Variants in CFAP92 observed in about 807,000 individuals in gnomAD.
CFAP92 encodes the protein cilia and flagella associated protein 92 (putative).
A neutral mutation model predicts 106.3 loss-of-function variants in CFAP92; 86 were observed. That is an observed-to-expected ratio of 0.81 (90% CI 0.68 to 0.97). The LOEUF is 0.97. CFAP92 is among the 50% of genes least tolerant of loss of function. CFAP92 has a pLI of 0.00. For synonymous variants in CFAP92, 477 were observed against 506.4 expected (o/e 0.94, Z 0.78); for missense variants, 1,204 against 1,283.8 (o/e 0.94, Z 0.95).
At chr3:128,918,346 G>A (rs1326246866) in intron 12 of CFAP92, among the ~76,000 whole-genome samples, 3 of 152,158 alleles carry the variant, frequency 2.0e-5, no homozygotes, top group African/African-American at 7.2e-5. Flanking sequence ...GGTGGCACAC[G>A]CCTGTAGTCC....
chr3:128,932,948 T>G lies in CFAP92; in HGVS notation c.2503A>C (p.Arg835=), dbSNP rs1938560974. 2.0e-6 allele frequency: 3 copies of G among 1,536,022 alleles called. No homozygotes were observed. The Admixed American group carries it at 5.9e-5, about 30-fold the overall frequency. Residue 835 remains arginine, a synonymous_variant, in exon 12 of 16, where the codon AGG becomes CGG. Transcript: ENST00000645291. ...NSTTLWDVTV[R]DLLPSSAMIK... Reference sequence around the variant, plus strand: ...ATAGCAGAGGAGGGCAGCAGGTCCCTCACCGTCACGTCCCAGAGGGTGGTG... The same window carrying G: ...ATAGCAGAGGAGGGCAGCAGGTCCCGCACCGTCACGTCCCAGAGGGTGGTG...
At chr3:128,976,225 T>G (rs2107790662) in intron 6 of CFAP92, among the ~76,000 whole-genome samples, 1 of 152,238 alleles carries the variant, frequency 6.6e-6, no homozygotes, top group Non-Finnish European at 1.5e-5. Context: ...TAATATATTT[T>G]AATAAAAATA....
intron 12 of CFAP92, among the ~76,000 whole-genome samples, chr3:128,920,705 T>G (rs888094189): frequency 2.0e-5 from 3 of 152,050 alleles, no homozygotes; most frequent in Non-Finnish European, 4.4e-5. Flanking sequence ...CAAGCTCTGT[T>G]CCAAAGGGTG....
At chr3:128,961,915 C>G (rs1210760900) in intron 9 of CFAP92, among the ~76,000 whole-genome samples, 1 of 152,202 alleles carries the variant, frequency 6.6e-6, no homozygotes, top group Admixed American at 6.5e-5. Context: ...CACACAAGAA[C>G]TTCCAAACGC....
rs142510461 is a variant in CFAP92, at chr3:128,929,015, C to T, written c.2751+3685G>A. 2.3e-3 allele frequency among the ~76,000 whole-genome samples: 351 copies of T among 152,216 alleles called. 1 individual carries two copies. The highest frequency in any genetic ancestry group is 7.9e-3 in the African/African-American group (329 of 41,550). ...ACTCATAACTGTAATCCCAGCACTT[C>T]GGGAAGCCAACGTGGGAGGACTGCC... On this transcript the variant is annotated intron_variant, in intron 12 of 15. Transcript: ENST00000645291.
At position 128,932,991 on chromosome 3, in the gene CFAP92, G is replaced by C. The variant is rs762304335; in HGVS notation, c.2460C>G (p.His820Gln). Residue 820 changes from histidine (H) to glutamine (Q), a missense_variant, in exon 12 of 16, where the codon CAC becomes CAG. His to Gln is a conservative substitution (Grantham distance 24). Coordinates refer to ENST00000645291, the MANE Select transcript of CFAP92 (RefSeq NM_001394090.1). The stretch of plus-strand genomic sequence containing the variant: ...GGGTGGTGCTGTTATAGCAGATGTC[G>C]TGGATCCTGGAACAAAGAACCACTG... ...RRVFQALARI[H>Q]DICYNSTTLW... The C allele has an allele frequency of 1.2e-5, 18 of 1,536,048 alleles. No homozygotes were observed. Among genetic ancestry groups the C allele is most frequent in the Non-Finnish European group, 1.6e-5 (18 of 1,146,884 alleles).
At chr3:129,010,614 G>A in the CFAP92 span, among the ~76,000 whole-genome samples, 1 of 151,734 alleles carries the variant, frequency 6.6e-6, no homozygotes, top group Non-Finnish European at 1.5e-5. The surrounding 1 kb of genome is among the most constrained non-coding windows in gnomAD (Gnocchi z 4.3). Context: ...CTGCCCCATT[G>A]CTGCTGCCTG....
At chr3:128,960,236 A>ACGGACG (rs1444478100) in intron 9 of CFAP92, among the ~76,000 whole-genome samples, 1 of 152,224 alleles carries the variant, frequency 6.6e-6, no homozygotes, top group Non-Finnish European at 1.5e-5. Flanking sequence ...GTCTCTTCAC[A>ACGGACG]CGGACGCGCA....
intron 4 of CFAP92, among the ~76,000 whole-genome samples, chr3:128,987,289 T>C (rs1247264836): frequency 1.3e-5 from 2 of 152,152 alleles, no homozygotes; most frequent in African/African-American, 4.8e-5. Flanking sequence ...TGTTCCTTGG[T>C]ATCCTCTAAG....
chr3:128,967,072 T>C (rs936046942), intron 8 of CFAP92: 3 of 152,220 alleles, frequency 2.0e-5, no homozygotes, highest in Non-Finnish European at 2.9e-5. Flanking sequence ...AAAATGGGGA[T>C]AGACACCACC....
chr3:128,986,193 G>C (rs140867838), intron 4 of CFAP92, among the ~76,000 whole-genome samples: 8 of 151,644 alleles, frequency 5.3e-5, no homozygotes, highest in African/African-American at 1.7e-4. Flanking sequence ...TGCTGACAAC[G>C]ATAATAGTAC....
intron 4 of CFAP92, among the ~76,000 whole-genome samples, chr3:128,981,956 T>A (rs939017203): frequency 6.6e-6 from 1 of 152,222 alleles, no homozygotes; most frequent in Non-Finnish European, 1.5e-5. Flanking sequence ...GCTTTGTTGT[T>A]CCATTTCTAG....
At position 128,994,069 on chromosome 3, in the gene CFAP92, C is replaced by G. The variant is rs1269624207; in HGVS notation, c.-122G>C. The G allele has an allele frequency of 1.0e-6, 1 of 985,998 alleles. No homozygotes were observed. Among genetic ancestry groups the G allele is most frequent in the Non-Finnish European group, 1.2e-6 (1 of 830,204 alleles). The allele number at this position is 985,998 out of a possible 1,614,324, so 61.1% of individuals were successfully genotyped here. A position where few individuals can be genotyped will look rare whatever the true frequency, so the allele number is the denominator to read the frequency against. On this transcript the variant is annotated 5_prime_UTR_variant, in exon 1 of 16. Transcript: ENST00000645291. ...CCACAGCCACCTGGGCGAAGAGACTCCAAGACTGAGAGGAGCGTCCGCCGG... is the reference window on the plus strand; with the variant it reads ...CCACAGCCACCTGGGCGAAGAGACTGCAAGACTGAGAGGAGCGTCCGCCGG...
intron 4 of CFAP92, among the ~76,000 whole-genome samples, chr3:128,981,946 G>C (rs958496662): frequency 6.6e-6 from 1 of 152,176 alleles, no homozygotes; most frequent in African/African-American, 2.4e-5. Flanking sequence ...TGTCATCCAG[G>C]CTTTGTTGTT....
intron 4 of CFAP92, among the ~76,000 whole-genome samples, chr3:128,980,366 CAAAAAAAA>C (rs71153158): frequency 9.9e-6 from 1 of 100,702 alleles, no homozygotes; most frequent in African/African-American, 3.7e-5. Flanking sequence ...GACCCTGTCT[CAAAAAAAA>C]AAAAAAAAAA....
At position 128,975,856 on chromosome 3, in the gene CFAP92, A is replaced by T. The variant is rs928631919; in HGVS notation, c.944T>A (p.Met315Lys). Residue 315 changes from methionine to lysine, a missense_variant, in exon 7 of 16, where the codon ATG becomes AAG. Physicochemically the swap from Met to Lys is moderately conservative, Grantham distance 95 (BLOSUM62 -1). Transcript: ENST00000645291. ...CTCAATTAATTCCTTGATCTCCATC[A>T]TGCTTGCTCCTGCCAAAGAAATGGT... The part of the protein sequence containing the change: ...TPTISLAGAS[M>K]MEIKELIESE... 1 of 1,610,578 alleles carries T rather than the reference A, an allele frequency of 6.2e-7. No homozygotes were observed. The highest frequency in any genetic ancestry group is 1.3e-5 in the African/African-American group (1 of 74,858).
At chr3:128,957,133 G>A (rs889853943) in intron 9 of CFAP92, among the ~76,000 whole-genome samples, 3 of 152,280 alleles carry the variant, frequency 2.0e-5, no homozygotes, top group Non-Finnish European at 2.9e-5. Flanking sequence ...GAAGAAAGGC[G>A]AAAGGAAGTT....
chr3:129,004,651 T>C (rs1047113154), upstream of CFAP92, among the ~76,000 whole-genome samples: 3 of 152,062 alleles, frequency 2.0e-5, no homozygotes, highest in African/African-American at 7.2e-5. Context: ...CTGGATTCGA[T>C]CATAATGATA....
chr3:128,948,513 C>T (rs4515064), intron 9 of CFAP92, among the ~76,000 whole-genome samples: 4,631 of 149,256 alleles, frequency 0.031, 113 homozygotes, highest in Non-Finnish European at 0.048. Flanking sequence ...CGTGAGCCAC[C>T]GTGCCCATCC....
Sources: allele counts gnomAD v4.1 joint callset (sites outside exome capture counted in the v4.1 genomes callset), GRCh38; gene constraint gnomAD v4.1.1; non-coding constraint Gnocchi (gnomAD v3.1); transcripts MANE v1.5; gene names NCBI Gene and HGNC (gene_info 2026-07-23, HGNC 2026-07-21).